Variants in AFDN observed in about 807,000 individuals in gnomAD.
AFDN encodes the protein afadin.
AFDN carries 68 observed loss-of-function variants against 216.6 expected under a neutral mutation model. The ratio of observed to expected loss-of-function variants is 0.31; its 90% CI spans 0.26 to 0.38. AFDN has a LOEUF of 0.38. Among genes scored for constraint, AFDN ranks in the 10% least tolerant of loss-of-function variants. AFDN has a pLI of 1.00. For synonymous variants in AFDN, 868 were observed against 853.7 expected, an observed-to-expected ratio of 1.02 and a Z score of -0.29; for missense variants, 2,136 against 2,342.0, an observed-to-expected ratio of 0.91 and a Z score of 1.82.
At chr6:167,838,893 GA>G (rs1489539558) in intron 1 of AFDN, among the ~76,000 whole-genome samples, 1 of 152,176 alleles carries the variant, frequency 6.6e-6, no homozygotes. Context: ...AATAAACTAA[GA>G]CTACTCACTC....
chr6:167,950,551 C>A (rs1795857317), intron 29 of AFDN, among the ~76,000 whole-genome samples: 1 of 152,162 alleles, frequency 6.6e-6, no homozygotes, highest in Admixed American at 6.5e-5. Flanking sequence ...TGGGACTTGT[C>A]CTTGCATTAC....
At chr6:167,830,282 TA>T (rs1779679982) in intron 1 of AFDN, among the ~76,000 whole-genome samples, 2 of 152,242 alleles carry the variant, frequency 1.3e-5, no homozygotes. Flanking sequence ...GGTTTTAACT[TA>T]CCAGACTTGT....
intron 11 of AFDN, among the ~76,000 whole-genome samples, chr6:167,900,519 TAAAG>T (rs1788808513): frequency 2.6e-5 from 4 of 152,202 alleles, no homozygotes; most frequent in African/African-American, 9.7e-5. Flanking sequence ...AGTCATATTA[TAAAG>T]TCACTTTGGT....
intron 1 of AFDN, among the ~76,000 whole-genome samples, chr6:167,844,366 C>T (rs185630535): frequency 2.6e-5 from 4 of 151,958 alleles, no homozygotes; most frequent in Admixed American, 1.3e-4. Context: ...AAAATTGGAT[C>T]GTAGGATATA....
chr6:167,891,164 T>A, intron 8 of AFDN, 135 bp downstream of exon 8: 1 of 582,020 alleles, frequency 1.7e-6, no homozygotes, highest in Non-Finnish European at 2.7e-6. Context: ...TTTTTAAAAG[T>A]AACTCTCATA....
intron 1 of AFDN, among the ~76,000 whole-genome samples, chr6:167,836,065 T>C (rs1442757135): frequency 6.6e-6 from 1 of 152,258 alleles, no homozygotes; most frequent in Non-Finnish European, 1.5e-5. Flanking sequence ...TTTTAATTTT[T>C]AGTTATCAGT....
chr6:167,910,340 A>G (rs1790230118), intron 13 of AFDN, among the ~76,000 whole-genome samples: 1 of 152,242 alleles, frequency 6.6e-6, no homozygotes, highest in African/African-American at 2.4e-5. Flanking sequence ...ATATTTTTAT[A>G]GAGATAGAAA....
In AFDN at chr6:167,962,473, A is replaced by T. The variant is rs771067828; in HGVS notation, c.4874A>T (p.Glu1625Val). 1.2e-6 allele frequency: 2 copies of T among 1,613,744 alleles called. No homozygotes were observed. Among genetic ancestry groups the T allele is most frequent in the Non-Finnish European group, 1.7e-6 (2 of 1,179,742 alleles). ...CGGAGGCGGCAGCAGCAGTTAGAAGAGATGCGCAAGCGGGAAGCGGAAGAC... is the reference window on the plus strand; with the variant it reads ...CGGAGGCGGCAGCAGCAGTTAGAAGTGATGCGCAAGCGGGAAGCGGAAGAC... ...EERRRQQQLE[E>V]MRKREAEDRA... Residue 1625 changes from glutamate to valine, a missense_variant, in exon 31 of 34, where the codon GAG becomes GTG. Physicochemically the swap from Glu to Val is moderately radical, Grantham distance 121 (BLOSUM62 -2). Around this residue, in one of 8 missense-constraint regions of AFDN, gnomAD observed 981 missense variants for 966.0 expected, o/e 1.02. Coordinates refer to ENST00000683244, the MANE Select transcript of AFDN (RefSeq NM_001386888.1). This position sits in a 1 kb window ranked among gnomAD's most constrained non-coding sequence, Gnocchi z 5.2.
chr6:167,947,602 G>A lies in AFDN; in HGVS notation c.3554-251G>A, dbSNP rs1795470197. On this transcript the variant is annotated intron_variant, in intron 27 of 33. Transcript: ENST00000683244. ...TACTTTCTGGCCTATTACCAAAAAT[G>A]TTTACCAGTCCCTGGCCTGATACAC... 2.0e-5 allele frequency among the ~76,000 whole-genome samples: 3 copies of A among 152,310 alleles called. No homozygotes were observed. The South Asian group carries it at 6.2e-4, about 32-fold the overall frequency.
intron 23 of AFDN, among the ~76,000 whole-genome samples, chr6:167,929,678 G>A (rs913804915): frequency 6.6e-6 from 1 of 152,210 alleles, no homozygotes; most frequent in Non-Finnish European, 1.5e-5. Flanking sequence ...CTGCCTCCGT[G>A]AGGAGTCAGA....
intron 9 of AFDN, 89 bp downstream of exon 9, chr6:167,893,995 T>C: frequency 1.0e-6 from 1 of 995,074 alleles, no homozygotes; most frequent in Non-Finnish European, 1.5e-6. Context: ...ATATCTTATG[T>C]ATCAGTTTTT....
intron 1 of AFDN, among the ~76,000 whole-genome samples, chr6:167,841,460 T>C (rs1781064662): frequency 6.6e-6 from 1 of 151,870 alleles, no homozygotes; most frequent in Non-Finnish European, 1.5e-5. Context: ...CTAAGTGTAC[T>C]GGAAGGGAAT....
At chr6:167,885,217 A>G (rs1786642502) in intron 6 of AFDN, among the ~76,000 whole-genome samples, 1 of 152,224 alleles carries the variant, frequency 6.6e-6, no homozygotes, top group African/African-American at 2.4e-5. Context: ...CCATATGAGC[A>G]ATAAGGCTGT....
At chr6:167,967,864 C>G (rs1797714216) in intron 32 of AFDN, among the ~76,000 whole-genome samples, 1 of 152,184 alleles carries the variant, frequency 6.6e-6, no homozygotes, top group African/African-American at 2.4e-5. Context: ...GTCGCGAGCA[C>G]TCTGGTAAAG....
At chr6:167,943,069 C>T in intron 23 of AFDN, 60 bp from the exon 24 acceptor site, 1 of 1,413,618 alleles carries the variant, frequency 7.1e-7, no homozygotes, top group East Asian at 2.3e-5. Context: ...TACTTTCCTG[C>T]ATAGTGCATT....
chr6:167,912,495 A>G (rs987601866), intron 15 of AFDN, among the ~76,000 whole-genome samples: 1 of 152,214 alleles, frequency 6.6e-6, no homozygotes, highest in African/African-American at 2.4e-5. Context: ...AGTGATTAGC[A>G]TGAGTTTGAT....
intron 29 of AFDN, among the ~76,000 whole-genome samples, chr6:167,949,643 A>G (rs992559827): frequency 2.6e-5 from 4 of 152,184 alleles, no homozygotes; most frequent in Non-Finnish European, 5.9e-5. Context: ...GTCTTTCTCC[A>G]AATTTCTCTT....
chr6:167,913,593 G>A (rs910719786), intron 16 of AFDN, 170 bp downstream of exon 16: 2 of 583,010 alleles, frequency 3.4e-6, no homozygotes, highest in Non-Finnish European at 5.9e-6. Flanking sequence ...ACCTTTATCG[G>A]CATTTCATAA....
At chr6:167,827,633 T>C (rs1338636917) in intron 1 of AFDN, 1 of 148,686 alleles carries the variant, frequency 6.7e-6, no homozygotes, top group Non-Finnish European at 1.5e-5. Context: ...TGCAGCCCGG[T>C]TGTGGCTCGC....
Sources: gnomAD v4.1 joint callset for allele counts (sites outside exome capture counted in the v4.1 genomes callset) on GRCh38, gnomAD v4.1.1 for gene constraint, gnomAD v4.1.1 regional missense constraint, Gnocchi (gnomAD v3.1) non-coding constraint, MANE v1.5 for transcripts, NCBI Gene and HGNC (gene_info 2026-07-23, HGNC 2026-07-21) for gene names.